Variants in GPAT3 observed in about 807,000 individuals in gnomAD.
The protein encoded by GPAT3 is 1-AGP acyltransferase 9.
In GPAT3, 53 loss-of-function variants were observed where a neutral mutation model predicts 58.8. The ratio of observed to expected loss-of-function variants is 0.90; its 90% CI spans 0.72 to 1.13. The LOEUF is 1.13. GPAT3 is among the 50% of genes most tolerant of loss of function. GPAT3 has a pLI of 0.00. For synonymous variants in GPAT3, 197 were observed against 187.4 expected (o/e 1.05, Z -0.42); for missense variants, 511 against 527.6 (o/e 0.97, Z 0.31).
In GPAT3 at chr4:83,537,959, T is replaced by A. The variant is rs145930922; in HGVS notation, c.141+1196T>A. On this transcript the variant is annotated intron_variant, in intron 1 of 11. Coordinates refer to ENST00000264409, the MANE Select transcript of GPAT3 (RefSeq NM_032717.5). Reference sequence around the variant, plus strand: ...ATAACTCCTATTTCCATAGGGTTGTTCAAATGAGTTAAAAGGTATCAAGCA... The same window carrying A: ...ATAACTCCTATTTCCATAGGGTTGTACAAATGAGTTAAAAGGTATCAAGCA... 2.4e-3 allele frequency among the ~76,000 whole-genome samples: 360 copies of A among 152,294 alleles called. 1 individual carries two copies. The highest frequency in any genetic ancestry group is 8.3e-3 in the African/African-American group (345 of 41,560).
rs1674347 is a variant in GPAT3, at chr4:83,581,891, T to C, written c.479+59T>C. On this transcript the variant is annotated intron_variant, in intron 3 of 11. Transcript: ENST00000264409. ...TTGACTCAGCTTTCTTTTTGAATCA[T>C]GTACATAATGGCCACGTAAGTGTTC... is the stretch of plus-strand genomic sequence containing the variant. 5,084 of 1,549,976 alleles carry C rather than the reference T, an allele frequency of 3.3e-3. 159 individuals carry two copies. The African/African-American group carries it at 0.063, about 19-fold the overall frequency.
At chr4:83,538,998 T>C (rs1170555503) in intron 1 of GPAT3, among the ~76,000 whole-genome samples, 4 of 152,202 alleles carry the variant, frequency 2.6e-5, no homozygotes, top group African/African-American at 9.6e-5. Context: ...AACTCCTATG[T>C]TTGGGAGCAT....
intron 2 of GPAT3, among the ~76,000 whole-genome samples, chr4:83,556,839 C>G (rs1724961482): frequency 6.6e-6 from 1 of 151,880 alleles, no homozygotes; most frequent in Non-Finnish European, 1.5e-5. Context: ...TTAGTCCACT[C>G]AGGCTGCTAT....
intron 2 of GPAT3, among the ~76,000 whole-genome samples, chr4:83,552,657 A>G (rs1724797285): frequency 6.6e-6 from 1 of 152,200 alleles, no homozygotes; most frequent in South Asian, 2.1e-4. Context: ...TTGCCTCATA[A>G]TCTAACGAGA....
chr4:83,566,565 C>G (rs1023667231), intron 2 of GPAT3, among the ~76,000 whole-genome samples: 8 of 151,404 alleles, frequency 5.3e-5, no homozygotes. Flanking sequence ...AGCCACTACG[C>G]CCGGCCTCCT....
At chr4:83,597,644 T>C (rs1726894886) in intron 9 of GPAT3, 129 bp downstream of exon 9, 2 of 611,572 alleles carry the variant, frequency 3.3e-6, no homozygotes, top group Non-Finnish European at 5.4e-6. Context: ...GCACCAGTCC[T>C]CTGCACTTTG....
At chr4:83,564,008 A>G (rs1490074995) in intron 2 of GPAT3, among the ~76,000 whole-genome samples, 1 of 152,232 alleles carries the variant, frequency 6.6e-6, no homozygotes, top group Non-Finnish European at 1.5e-5. Context: ...ATGCTGAAGT[A>G]AATATATCTG....
Position 83,594,898 on chromosome 4 carries a change from G to A in GPAT3, c.792G>A (p.Lys264=), listed in dbSNP as rs1345119491. ...LMGIIQRAMV[K]ACPHVWFERS... The stretch of plus-strand genomic sequence containing the variant: ...GAATTATTCAGAGAGCTATGGTCAA[G>A]GCTTGTCCTCATGTCTGGTTTGAAC... The change falls in exon 7 of 12, where the codon AAG becomes AAA. Residue 264 remains lysine (K), a synonymous_variant. Transcript: ENST00000264409. 1.5e-5 allele frequency: 24 copies of A among 1,613,858 alleles called. No homozygotes were observed. Among genetic ancestry groups the A allele is most frequent in the African/African-American group, 4.0e-5 (3 of 74,874 alleles).
At chr4:83,554,037 C>A (rs1724856855) in intron 2 of GPAT3, among the ~76,000 whole-genome samples, 1 of 151,992 alleles carries the variant, frequency 6.6e-6, no homozygotes. Context: ...GTTGCCTAGG[C>A]TAGAGTGCAG....
intron 2 of GPAT3, among the ~76,000 whole-genome samples, chr4:83,577,060 T>C (rs892574830): frequency 1.1e-4 from 16 of 152,228 alleles, no homozygotes; most frequent in African/African-American, 3.1e-4. Context: ...TGAGATGCAC[T>C]GAGAATACCA....
At chr4:83,574,912 A>G (rs1182071360) in intron 2 of GPAT3, among the ~76,000 whole-genome samples, 3 of 118,792 alleles carry the variant, frequency 2.5e-5, no homozygotes, top group Non-Finnish European at 4.8e-5. Context: ...GAGTCTCGCT[A>G]TCGCCCAGGC....
At chr4:83,555,677 A>C (rs964314144) in intron 2 of GPAT3, among the ~76,000 whole-genome samples, 2 of 152,214 alleles carry the variant, frequency 1.3e-5, no homozygotes, top group African/African-American at 4.8e-5. Context: ...CTAGCAAATG[A>C]CTGAACCTGA....
intron 7 of GPAT3, 51 bp downstream of exon 7, chr4:83,595,011 A>G: frequency 3.3e-6 from 5 of 1,533,126 alleles, no homozygotes; most frequent in Non-Finnish European, 4.5e-6. Flanking sequence ...AAAGCTGACC[A>G]ATCTTGGCCT....
At chr4:83,578,219 AAC>A (rs1377777750) in intron 2 of GPAT3, among the ~76,000 whole-genome samples, 1 of 152,200 alleles carries the variant, frequency 6.6e-6, no homozygotes, top group African/African-American at 2.4e-5. Flanking sequence ...CCATTTTTAA[AAC>A]AGAGTTCTTT....
At chr4:83,598,273 C>A in intron 10 of GPAT3, 94 bp downstream of exon 10, 1 of 1,516,614 alleles carries the variant, frequency 6.6e-7, no homozygotes, top group Non-Finnish European at 8.8e-7. Flanking sequence ...TCATGCTTTT[C>A]TGCTTTCTCA....
intron 2 of GPAT3, among the ~76,000 whole-genome samples, chr4:83,566,797 T>C (rs772536698): frequency 3.3e-5 from 5 of 151,762 alleles, no homozygotes; most frequent in Non-Finnish European, 7.4e-5. Context: ...GCTTTTCTTT[T>C]TTTTTTTTCC....
rs181886358 is a variant in GPAT3, at chr4:83,580,595, G to C, written c.209-967G>C. Among the ~76,000 whole-genome samples, 62 of 152,266 alleles carry C rather than the reference G, an allele frequency of 4.1e-4. 1 individual carries two copies. The stretch of plus-strand genomic sequence containing the variant: ...TGCTACTACTTCCGTACTTGTACAA[G>C]TTGAATATGAGAGTACCTGTGTCAT... On this transcript the variant is annotated intron_variant, in intron 2 of 11. Transcript: ENST00000264409.
chr4:83,578,646 C>G (rs1725905344), intron 2 of GPAT3, among the ~76,000 whole-genome samples: 1 of 152,188 alleles, frequency 6.6e-6, no homozygotes, highest in Non-Finnish European at 1.5e-5. Context: ...AACTGTTGCA[C>G]TGCTAAATAC....
chr4:83,555,816 C>T (rs1724922561), intron 2 of GPAT3, among the ~76,000 whole-genome samples: 2 of 152,156 alleles, frequency 1.3e-5, no homozygotes, highest in South Asian at 4.1e-4. Flanking sequence ...GAATTTGACT[C>T]TAACTCCAGG....
Sources: allele counts gnomAD v4.1 joint callset (sites outside exome capture counted in the v4.1 genomes callset), GRCh38; gene constraint gnomAD v4.1.1; transcripts MANE v1.5; gene names NCBI Gene and HGNC (gene_info 2026-07-23, HGNC 2026-07-21).